The following RAPGEF4 variants were observed in gnomAD, a reference collection of about 807,000 sequenced individuals.
RAPGEF4 encodes the protein Rap guanine nucleotide exchange factor 4.
Under a neutral mutation model 147.9 loss-of-function variants are expected in RAPGEF4, and 66 were observed. The observed-to-expected ratio is 0.45, with a 90% confidence interval of 0.37 to 0.55. The LOEUF is 0.55. RAPGEF4 is among the 20% of genes least tolerant of loss of function. RAPGEF4 has a pLI of 0.00. For synonymous variants in RAPGEF4, 419 were observed against 442.7 expected (o/e 0.95, Z 0.67); for missense variants, 1,071 against 1,257.3 (o/e 0.85, Z 2.24).
chr2:173,032,739 C>A (rs564005775), intron 26 of RAPGEF4, among the ~76,000 whole-genome samples: 29 of 152,188 alleles, frequency 1.9e-4, no homozygotes, highest in African/African-American at 6.3e-4. Context: ...TTTTTAGAAA[C>A]AAAATCGGGG....
At chr2:172,983,139 G>C (rs1317815830) in intron 10 of RAPGEF4, among the ~76,000 whole-genome samples, 1 of 152,160 alleles carries the variant, frequency 6.6e-6, no homozygotes. Context: ...GGTGTTAAAA[G>C]ACAAGTTTTG....
At chr2:173,025,434 T>C (rs1696565057) in intron 23 of RAPGEF4, among the ~76,000 whole-genome samples, 1 of 152,254 alleles carries the variant, frequency 6.6e-6, no homozygotes, top group Non-Finnish European at 1.5e-5. Flanking sequence ...ATTTTGTTTT[T>C]ATTTTTTATT....
At chr2:172,976,373 C>T (rs1691066138) in intron 10 of RAPGEF4, among the ~76,000 whole-genome samples, 1 of 152,106 alleles carries the variant, frequency 6.6e-6, no homozygotes, top group African/African-American at 2.4e-5. Context: ...CAAGGAAGTG[C>T]AAAACTGCAC....
At chr2:172,943,568 A>G (rs1199914937) in intron 6 of RAPGEF4, among the ~76,000 whole-genome samples, 1 of 152,222 alleles carries the variant, frequency 6.6e-6, no homozygotes, top group Non-Finnish European at 1.5e-5. Context: ...AGTCTCTTAT[A>G]GGAGAAATCC....
chr2:172,985,537 C>A (rs1414245324), intron 12 of RAPGEF4, 44 bp downstream of exon 12: 5 of 1,591,044 alleles, frequency 3.1e-6, no homozygotes, highest in South Asian at 1.2e-5. Flanking sequence ...GGCCAGCACC[C>A]TTGCAAGCAC....
chr2:172,791,343 G>A (rs752734932), intron 1 of RAPGEF4, among the ~76,000 whole-genome samples: 5 of 152,214 alleles, frequency 3.3e-5, no homozygotes, highest in Admixed American at 2.0e-4. Context: ...GTTTGAGGTC[G>A]CTGTAGAAGA....
At position 173,002,599 on chromosome 2, in the gene RAPGEF4, G is replaced by A. The variant is rs558398449; in HGVS notation, c.1658+1255G>A. The stretch of plus-strand genomic sequence containing the variant: ...TTTTGAGCAGTTAAATATATTGAAG[G>A]AGAATGACTCTTTTATTCTTTCTTT... On this transcript the variant is annotated intron_variant, in intron 17 of 30. Transcript: ENST00000397081. 3.6e-4 allele frequency among the ~76,000 whole-genome samples: 54 copies of A among 150,460 alleles called. 4 individuals are homozygous for A. In the South Asian group the frequency reaches 0.011, roughly 31 times the overall value.
At chr2:172,801,929 C>G (rs934687084) in intron 3 of RAPGEF4, among the ~76,000 whole-genome samples, 1 of 152,192 alleles carries the variant, frequency 6.6e-6, no homozygotes, top group Non-Finnish European at 1.5e-5. Context: ...CTCCTACCCT[C>G]TCTTTGATCT....
intron 4 of RAPGEF4, among the ~76,000 whole-genome samples, chr2:172,903,817 C>G (rs2149974043): frequency 6.6e-6 from 1 of 152,274 alleles, no homozygotes; most frequent in South Asian, 2.1e-4. Context: ...TGCAAAGTGC[C>G]TCTGCCCCAA....
At chr2:172,988,419 T>G in intron 13 of RAPGEF4, 147 bp downstream of exon 13, 11 of 1,383,750 alleles carry the variant, frequency 7.9e-6, no homozygotes, top group Non-Finnish European at 1.0e-5. Flanking sequence ...TAATCATAAG[T>G]TACCTCAGTT....
chr2:173,046,955 C>T (rs1685545589), intron 29 of RAPGEF4, among the ~76,000 whole-genome samples: 1 of 152,112 alleles, frequency 6.6e-6, no homozygotes, highest in South Asian at 2.1e-4. Context: ...TAAGCTTTCT[C>T]AAAGTCATTT....
chr2:172,756,290 T>C (rs887921769), intron 1 of RAPGEF4, among the ~76,000 whole-genome samples: 1 of 152,206 alleles, frequency 6.6e-6, no homozygotes, highest in African/African-American at 2.4e-5. Context: ...GAAAGGTGCC[T>C]GTGTGCTCCA....
At chr2:172,926,850 G>A (rs1298760973) in intron 6 of RAPGEF4, among the ~76,000 whole-genome samples, 1 of 152,204 alleles carries the variant, frequency 6.6e-6, no homozygotes, top group African/African-American at 2.4e-5. Flanking sequence ...GATTACAAGT[G>A]TGAGCTACCG....
At chr2:172,989,223 G>A (rs1449114402) in intron 14 of RAPGEF4, among the ~76,000 whole-genome samples, 1 of 152,124 alleles carries the variant, frequency 6.6e-6, no homozygotes, top group African/African-American at 2.4e-5. Flanking sequence ...AGCCCCCTCT[G>A]CCCCTTGTCT....
At chr2:172,770,057 A>T (rs1697210821) in intron 1 of RAPGEF4, among the ~76,000 whole-genome samples, 1 of 152,124 alleles carries the variant, frequency 6.6e-6, no homozygotes, top group Non-Finnish European at 1.5e-5. Flanking sequence ...GTTTTTGCTG[A>T]TGTATTTGGT....
rs1162290043 is a variant in RAPGEF4, at chr2:172,759,012, G to A, written c.65+22964G>A. Among the ~76,000 whole-genome samples the A allele has an allele frequency of 2.0e-5, 3 of 152,312 alleles. No individual in the cohort carries two copies. The East Asian group carries it at 5.8e-4, about 29-fold the overall frequency. On this transcript the variant is annotated intron_variant, in intron 1 of 30. Coordinates refer to ENST00000397081, the MANE Select transcript of RAPGEF4 (RefSeq NM_007023.4). ...TGCATGGGATTGACCAATGAAGCAGGAAGAAGATAAAGGGAATGTCAACCG... is the reference window on the plus strand; with the variant it reads ...TGCATGGGATTGACCAATGAAGCAGAAAGAAGATAAAGGGAATGTCAACCG...
Position 173,018,756 on chromosome 2 carries a change from G to C in RAPGEF4, c.2109G>C (p.Leu703=). 3.7e-6 allele frequency: 6 copies of C among 1,614,092 alleles called. No homozygotes were observed. The South Asian group carries it at 6.6e-5, about 18-fold the overall frequency. The change falls in exon 22 of 31, where the codon CTG becomes CTC. Residue 703 remains leucine (L), a synonymous_variant. Coordinates refer to ENST00000397081, the MANE Select transcript of RAPGEF4 (RefSeq NM_007023.4). ...KEVISAVADK[L]GSGEGLIIVK... ...TCATCAGTGCAGTTGCCGACAAGCT[G>C]GGCTCCGGGGAGGGCCTGATCATAG...
chr2:172,744,388 G>A (rs778167673), intron 1 of RAPGEF4: 3 of 456,266 alleles, frequency 6.6e-6, no homozygotes, highest in Non-Finnish European at 1.3e-5. Context: ...ATCTTCAAAT[G>A]AGATTCCCAG....
chr2:172,897,059 C>A (rs544449295), intron 4 of RAPGEF4, among the ~76,000 whole-genome samples: 1 of 152,108 alleles, frequency 6.6e-6, no homozygotes, highest in Non-Finnish European at 1.5e-5. Context: ...AAATGGCTTT[C>A]CTGCATCTTT....
Sources: gnomAD v4.1 joint callset for allele counts (sites outside exome capture counted in the v4.1 genomes callset) on GRCh38, gnomAD v4.1.1 for gene constraint, MANE v1.5 for transcripts, NCBI Gene and HGNC (gene_info 2026-07-23, HGNC 2026-07-21) for gene names.